The following VPS13B variants were observed in gnomAD, a reference collection of about 807,000 sequenced individuals.
VPS13B encodes intermembrane lipid transfer protein VPS13B.
A neutral mutation model predicts 426.4 loss-of-function variants in VPS13B; 285 were observed. The observed-to-expected ratio is 0.67, with a 90% CI of 0.61 to 0.74. VPS13B has a LOEUF of 0.74. Among genes scored for constraint, VPS13B ranks in the 30% least tolerant of loss-of-function variants. The pLI, the probability that VPS13B is intolerant of heterozygous loss-of-function variation, is 0.00. For missense variants in VPS13B, 4,537 were observed against 4,782.6 expected (o/e 0.95, Z 1.51); for synonymous variants, 1,676 against 1,676.4 (o/e 1.00, Z 0.01).
At position 99,135,645 on chromosome 8, in the gene VPS13B, C is replaced by G. The variant is rs766826977; in HGVS notation, c.1475C>G (p.Thr492Arg). Residue 492 changes from threonine (T) to arginine (R), a missense_variant, in exon 11 of 62, where the codon ACA becomes AGA. Around this residue, in one of 2 missense-constraint regions of VPS13B, gnomAD observed 4,311 missense variants for 4,474.3 expected, o/e 0.96. Transcript: ENST00000357162. ...CGDNLSTKGF[T>R]YLTNSLFDYR... ...GACAATTTGAGTACGAAAGGTTTCA[C>G]ATACCTTACAAATTCATTGTTTGAT... 6.2e-7 allele frequency: 1 copy of G among 1,613,406 alleles called. No individual in the cohort carries two copies.
chr8:99,315,765 T>C lies in VPS13B; in HGVS notation c.2824+40511T>C, dbSNP rs551308876. 6.1e-3 allele frequency among the ~76,000 whole-genome samples: 924 copies of C among 152,094 alleles called. 13 individuals carry two copies. The highest frequency in any genetic ancestry group is 0.021 in the African/African-American group (879 of 41,490). On this transcript the variant is annotated intron_variant, in intron 19 of 61. Coordinates refer to ENST00000357162, the MANE Select transcript of VPS13B (RefSeq NM_152564.5). ...CATTCTCCTGCCTCAGCCTCCCGAG[T>C]AGCTAGGACTACGGGCGCCTGCCAC...
rs1182575347 is a variant in VPS13B, at chr8:99,877,436, C to CCA, written c.*1771_*1772dup. Reference sequence around the variant, plus strand: ...AAGGTGTCCTTGAATTACTGACCACCCATAGATGTCTACTGTTACCAGGTT... The same window carrying CCA: ...AAGGTGTCCTTGAATTACTGACCACCCACATAGATGTCTACTGTTACCAGGTT... On this transcript the variant is annotated 3_prime_UTR_variant, in exon 62 of 62. Coordinates refer to ENST00000357162, the MANE Select transcript of VPS13B (RefSeq NM_152564.5). 1 of 152,522 alleles carries CCA rather than the reference C, an allele frequency of 6.6e-6. No individual in the cohort carries two copies. The highest frequency in any genetic ancestry group is 1.5e-5 in the Non-Finnish European group (1 of 68,032). The allele number at this position is 152,522 out of a possible 1,614,324, so 9.4% of individuals were successfully genotyped here. A position where few individuals can be genotyped will look rare whatever the true frequency, so the allele number is the denominator to read the frequency against.
chr8:99,544,371 A>G (rs1258313617), intron 30 of VPS13B, among the ~76,000 whole-genome samples: 1 of 152,104 alleles, frequency 6.6e-6, no homozygotes, highest in Non-Finnish European at 1.5e-5. Context: ...CTAGATGATG[A>G]GTTAGTGGGT....
rs537030808 is a variant in VPS13B at position 99,491,500 on chromosome 8, A to G, written c.3870+9698A>G. On this transcript the variant is annotated intron_variant, in intron 25 of 61. Coordinates refer to ENST00000357162, the MANE Select transcript of VPS13B (RefSeq NM_152564.5). The stretch of plus-strand genomic sequence containing the variant: ...TTCCCCATACCTTTCAGGTTCACCA[A>G]TCAAACATAGATTTGGTCTTTTCAC... 2.6e-5 allele frequency among the ~76,000 whole-genome samples: 4 copies of G among 152,206 alleles called. No individual in the cohort carries two copies. The East Asian group carries it at 7.7e-4, about 29-fold the overall frequency.
intron 20 of VPS13B, among the ~76,000 whole-genome samples, chr8:99,386,198 G>C (rs1814113660): frequency 6.6e-6 from 1 of 152,136 alleles, no homozygotes; most frequent in Non-Finnish European, 1.5e-5. Flanking sequence ...TGAAGGTCAA[G>C]TAGAGTGTTC....
chr8:99,670,176 A>G lies in VPS13B; in HGVS notation c.6046+8685A>G, dbSNP rs116918464. Among the ~76,000 whole-genome samples the G allele has an allele frequency of 5.9e-5, 9 of 152,238 alleles. No homozygotes were observed. In the East Asian group the frequency reaches 1.7e-3, roughly 29 times the overall value. ...GTGGGGATTAACTCAGACATATCTG[A>G]AGGTAACTGATTCAGGAGGATTGAG... On this transcript the variant is annotated intron_variant, in intron 35 of 61. Transcript: ENST00000357162.
intron 54 of VPS13B, among the ~76,000 whole-genome samples, chr8:99,839,138 A>C (rs1815543984): frequency 6.6e-6 from 1 of 152,240 alleles, no homozygotes; most frequent in Non-Finnish European, 1.5e-5. Context: ...CAGAAAGTGA[A>C]TTAAAATGAC....
chr8:99,763,151 A>AG (rs1193535402), intron 39 of VPS13B, among the ~76,000 whole-genome samples: 2 of 150,222 alleles, frequency 1.3e-5, no homozygotes, highest in Admixed American at 6.6e-5. Flanking sequence ...AAAAAAAAAA[A>AG]AAAAAAAAAA....
intron 16 of VPS13B, among the ~76,000 whole-genome samples, chr8:99,191,455 C>T (rs1813588881): frequency 1.4e-5 from 2 of 142,122 alleles, no homozygotes; most frequent in African/African-American, 5.3e-5. Flanking sequence ...GCGATCTCGG[C>T]TCACTGCAAT....
chr8:99,142,547 GC>G (rs1810486417), intron 12 of VPS13B, among the ~76,000 whole-genome samples: 2 of 152,032 alleles, frequency 1.3e-5, no homozygotes, highest in Admixed American at 1.3e-4. Flanking sequence ...AACTCTCAAG[GC>G]ACCCTGTGAT....
intron 22 of VPS13B, among the ~76,000 whole-genome samples, chr8:99,438,701 A>G (rs766675): frequency 0.18 from 26,693 of 152,066 alleles, 2,860 homozygotes; most frequent in East Asian, 0.38. Context: ...ACTACATATG[A>G]TGATATCCAA....
At chr8:99,430,758 C>T (rs1391758160) in intron 21 of VPS13B, among the ~76,000 whole-genome samples, 3 of 150,794 alleles carry the variant, frequency 2.0e-5, no homozygotes, top group Non-Finnish European at 4.4e-5. Flanking sequence ...CTCTGTTGCC[C>T]AGGCTGTAGT....
At position 99,014,763 on chromosome 8, in the gene VPS13B, T is replaced by C. The variant is rs140297552; in HGVS notation, c.147+828T>C. 1.0e-4 allele frequency among the ~76,000 whole-genome samples: 15 copies of C among 147,822 alleles called. No homozygotes were observed. In the East Asian group the frequency reaches 3.0e-3, roughly 29 times the overall value. Reference sequence around the variant, plus strand: ...GACATTTCCCACGGCATCCTCAGAGTGTTGAGTAGATACATTGAGAATGGC... The same window carrying C: ...GACATTTCCCACGGCATCCTCAGAGCGTTGAGTAGATACATTGAGAATGGC... On this transcript the variant is annotated intron_variant, in intron 2 of 61. Transcript: ENST00000357162.
chr8:99,391,349 GTGTC>G (rs1469038638), intron 20 of VPS13B, among the ~76,000 whole-genome samples: 1 of 145,386 alleles, frequency 6.9e-6, no homozygotes, highest in East Asian at 2.3e-4. Flanking sequence ...ATGTGTGTCT[GTGTC>G]TGTGTGTGTG....
At position 99,122,463 on chromosome 8, in the gene VPS13B, C is replaced by T. The variant is rs1310618172; in HGVS notation, c.1206+1018C>T. On this transcript the variant is annotated intron_variant, in intron 8 of 61. Transcript: ENST00000357162. The stretch of plus-strand genomic sequence containing the variant: ...GGCATGGTGGCTCACATCTGTAATC[C>T]CAGTACCCCTGCACTTCAGCCAAAA... Among the ~76,000 whole-genome samples, 5 of 151,836 alleles carry T rather than the reference C, an allele frequency of 3.3e-5. No homozygotes were observed. The East Asian group carries it at 9.6e-4, about 29-fold the overall frequency.
intron 19 of VPS13B, among the ~76,000 whole-genome samples, chr8:99,331,402 T>G (rs1810535065): frequency 6.6e-6 from 1 of 151,734 alleles, no homozygotes. Flanking sequence ...ACTTATAGAC[T>G]ACTTCTAGAA....
chr8:99,696,507 G>A lies in VPS13B; in HGVS notation c.6047-3018G>A, dbSNP rs112040498. On this transcript the variant is annotated intron_variant, in intron 35 of 61. Coordinates refer to ENST00000357162, the MANE Select transcript of VPS13B (RefSeq NM_152564.5). Reference sequence around the variant, plus strand: ...CCGCTTGGTGCCGTTCCTTGTGTTCGTGGTTGTCCAGTTCATGGAATTCCT... The same window carrying A: ...CCGCTTGGTGCCGTTCCTTGTGTTCATGGTTGTCCAGTTCATGGAATTCCT... The A allele has an allele frequency of 8.4e-4, 364 of 432,946 alleles. 1 individual carries two copies. The highest frequency in any genetic ancestry group is 1.1e-3 in the Admixed American group (33 of 29,106). The allele number at this position is 432,946 out of a possible 1,614,324, so 26.8% of individuals were successfully genotyped here.
chr8:99,258,797 T>G (rs565956078), intron 17 of VPS13B, among the ~76,000 whole-genome samples: 4 of 152,198 alleles, frequency 2.6e-5, no homozygotes, highest in African/African-American at 9.6e-5. Context: ...AAAGCAATCA[T>G]AGTCATAACC....
At chr8:99,554,708 C>T (rs1824462097) in intron 30 of VPS13B, among the ~76,000 whole-genome samples, 1 of 152,034 alleles carries the variant, frequency 6.6e-6, no homozygotes, top group Non-Finnish European at 1.5e-5. Flanking sequence ...TTCATAAAAA[C>T]AGAGTTAGCT....
Sources: gnomAD v4.1 joint callset for allele counts (sites outside exome capture counted in the v4.1 genomes callset) on GRCh38, gnomAD v4.1.1 for gene constraint, gnomAD v4.1.1 regional missense constraint, MANE v1.5 for transcripts, NCBI Gene and HGNC (gene_info 2026-07-23, HGNC 2026-07-21) for gene names.